Variants in GCA observed in about 807,000 individuals in gnomAD.
The protein encoded by GCA is grancalcin, EF-hand calcium-binding protein.
A neutral mutation model predicts 32.6 loss-of-function variants in GCA; 30 were observed. That is an observed-to-expected ratio of 0.92 (90% CI 0.69 to 1.25). The LOEUF is 1.25. Among genes scored for constraint, GCA ranks in the 50% most tolerant of loss-of-function variants. GCA has a pLI of 0.00. For missense variants in GCA, 291 were observed against 266.8 expected, an observed-to-expected ratio of 1.09 and a Z score of -0.63; for synonymous variants, 102 against 84.6, an observed-to-expected ratio of 1.21 and a Z score of -1.13.
At chr2:162,375,139 T>C (rs1224566832), downstream of GCA, among the ~76,000 whole-genome samples, 2 of 152,162 alleles carry the variant, frequency 1.3e-5, no homozygotes, top group Non-Finnish European at 2.9e-5. Flanking sequence ...CCAAAGAAAA[T>C]TATACATTCA....
intron 1 of GCA, among the ~76,000 whole-genome samples, chr2:162,337,272 T>A (rs1040160730): frequency 2.6e-5 from 4 of 152,200 alleles, no homozygotes; most frequent in African/African-American, 9.6e-5. Context: ...CAGGTCATGG[T>A]GCATCCGTGT....
Position 162,359,054 on chromosome 2 carries a change from G to T in GCA, c.465G>T (p.Leu155Phe). ...TTATCTCTTTTTTAGGTTATAGGTT[G>T]AGTCCTCAAACATTAACTACTATTG... ...RQAIGLMGYR[L>F]SPQTLTTIVK... The change falls in exon 6 of 8, where the codon TTG becomes TTT. Residue 155 changes from leucine to phenylalanine, a missense_variant. Transcript: ENST00000437150. 1 of 1,530,802 alleles carries T rather than the reference G, an allele frequency of 6.5e-7. No individual in the cohort carries two copies. Among genetic ancestry groups the T allele is most frequent in the South Asian group, 1.1e-5 (1 of 88,392 alleles). The allele number at this position is 1,530,802 out of a possible 1,614,324, so 94.8% of individuals were successfully genotyped here. A position where few individuals can be genotyped will look rare whatever the true frequency, so the allele number is the denominator to read the frequency against.
At chr2:162,352,731 G>A (rs1368737035) in intron 3 of GCA, among the ~76,000 whole-genome samples, 1 of 152,058 alleles carries the variant, frequency 6.6e-6, no homozygotes, top group African/African-American at 2.4e-5. Context: ...ATCCTGCTAT[G>A]AAAGATGAGG....
intron 1 of GCA, among the ~76,000 whole-genome samples, chr2:162,320,043 G>T (rs1201704372): frequency 6.6e-6 from 1 of 152,136 alleles, no homozygotes; most frequent in Non-Finnish European, 1.5e-5. Context: ...CTTGAAGAAG[G>T]GATATATTTA....
intron 1 of GCA, among the ~76,000 whole-genome samples, chr2:162,319,707 T>C (rs1683596436): frequency 6.6e-6 from 1 of 152,234 alleles, no homozygotes; most frequent in Non-Finnish European, 1.5e-5. Context: ...TGTAGCCACA[T>C]GTGACTGTGG....
At chr2:162,345,769 A>G (rs1438341370) in intron 1 of GCA, among the ~76,000 whole-genome samples, 2 of 152,268 alleles carry the variant, frequency 1.3e-5, no homozygotes, top group East Asian at 3.8e-4. Context: ...GAAATATTTT[A>G]AGATACATTG....
exon 5 of GCA, chr2:162,371,318 A>C (rs1166086799): frequency 7.8e-7 from 1 of 1,287,086 alleles, no homozygotes; most frequent in African/African-American, 1.5e-5. Context: ...TGGAGGAATG[A>C]ACGTAATTAA....
At chr2:162,373,138 C>T (rs1558912378), downstream of GCA, among the ~76,000 whole-genome samples, 1 of 152,022 alleles carries the variant, frequency 6.6e-6, no homozygotes, top group Non-Finnish European at 1.5e-5. Flanking sequence ...TTTTAAGAGC[C>T]AGGAAGACTA....
chr2:162,325,041 ATG>A (rs1211493593), intron 1 of GCA, among the ~76,000 whole-genome samples: 2 of 152,252 alleles, frequency 1.3e-5, no homozygotes, highest in Non-Finnish European at 2.9e-5. Flanking sequence ...CATGGGTTAA[ATG>A]TGTATTACAC....
intron 1 of GCA, among the ~76,000 whole-genome samples, chr2:162,334,563 CTG>C (rs1232884719): frequency 6.6e-6 from 1 of 152,198 alleles, no homozygotes; most frequent in East Asian, 1.9e-4. Flanking sequence ...GTTTTCATGA[CTG>C]TGCCTATGTT....
chr2:162,351,041 A>T (rs1269853266), intron 2 of GCA, among the ~76,000 whole-genome samples: 1 of 151,558 alleles, frequency 6.6e-6, no homozygotes, highest in South Asian at 2.1e-4. Flanking sequence ...ATAATTAATA[A>T]TGCTCTATGA....
At chr2:162,366,236 A>G (rs1314802733), downstream of GCA, among the ~76,000 whole-genome samples, 2 of 151,798 alleles carry the variant, frequency 1.3e-5, no homozygotes, top group Admixed American at 1.3e-4. Flanking sequence ...ACTTCTCATA[A>G]TAAGTACTAT....
chr2:162,335,391 G>C (rs931343782), intron 1 of GCA, among the ~76,000 whole-genome samples: 19 of 144,492 alleles, frequency 1.3e-4, no homozygotes, highest in Non-Finnish European at 6.0e-5. Context: ...CTCCAGCCTG[G>C]ATGACAGAGT....
chr2:162,342,936 C>T (rs1438533062), upstream of GCA, among the ~76,000 whole-genome samples: 2 of 152,168 alleles, frequency 1.3e-5, no homozygotes, highest in African/African-American at 2.4e-5. Context: ...ATAATTTAAC[C>T]TTAGTGGCTT....
At chr2:162,347,890 CAT>C (rs1684790591) in intron 2 of GCA, 148 bp downstream of exon 2, 1 of 429,090 alleles carries the variant, frequency 2.3e-6, no homozygotes, top group Non-Finnish European at 4.1e-6. Context: ...CAGAGATGAG[CAT>C]AGTCATAATT....
Position 162,359,402 on chromosome 2 carries a change from A to T in GCA, c.569-92A>T. ...TCAATCACTTAATATTTAATTGAATATGAAATTATTCTTTTTGTGTACCTG... is the reference window on the plus strand; with the variant it reads ...TCAATCACTTAATATTTAATTGAATTTGAAATTATTCTTTTTGTGTACCTG... On this transcript the variant is annotated intron_variant, in intron 6 of 7. Transcript: ENST00000437150. 4.8e-6 allele frequency: 3 copies of T among 628,908 alleles called. No individual in the cohort carries two copies. In the South Asian group the frequency reaches 6.5e-5, roughly 14 times the overall value. 39.0% of individuals were successfully genotyped at this position (628,908 alleles called of 1,614,324 possible). A position where few individuals can be genotyped will look rare whatever the true frequency, so the allele number is the denominator to read the frequency against.
At chr2:162,373,356 CAG>C (rs1686035611), downstream of GCA, 1 of 643,636 alleles carries the variant, frequency 1.6e-6, no homozygotes, top group Admixed American at 3.5e-5. Flanking sequence ...TGAGTAGAAA[CAG>C]AGATAGGGAC....
intron 1 of GCA, among the ~76,000 whole-genome samples, chr2:162,332,734 T>G (rs1255655553): frequency 6.6e-6 from 1 of 151,526 alleles, no homozygotes; most frequent in Non-Finnish European, 1.5e-5. Context: ...AGGGAAGTTA[T>G]GGAGAACATA....
intron 4 of GCA, among the ~76,000 whole-genome samples, chr2:162,369,194 G>C (rs1026145854): frequency 3.3e-5 from 5 of 152,148 alleles, no homozygotes; most frequent in South Asian, 2.1e-4. Context: ...TAGCCAACAG[G>C]GGGGATGATG....
Sources: gnomAD v4.1 joint callset for allele counts (sites outside exome capture counted in the v4.1 genomes callset) on GRCh38, gnomAD v4.1.1 for gene constraint, MANE v1.5 for transcripts, NCBI Gene and HGNC (gene_info 2026-07-23, HGNC 2026-07-21) for gene names.